The following PPFIA1 variants were observed in gnomAD, a reference collection of about 807,000 sequenced individuals.
PPFIA1 encodes the protein PPFI scaffold protein A1.
A neutral mutation model predicts 149.9 loss-of-function variants in PPFIA1; 25 were observed. The ratio of observed to expected loss-of-function variants is 0.17; its 90% CI spans 0.12 to 0.23. The LOEUF (loss-of-function observed/expected upper bound fraction) is 0.23. Ranked by LOEUF, PPFIA1 falls within the 10% of genes least tolerant of loss-of-function variation. PPFIA1 has a pLI of 1.00. For missense variants in PPFIA1, 1,362 were observed against 1,506.5 expected (o/e 0.90, Z 1.59); for synonymous variants, 549 against 552.8 (o/e 0.99, Z 0.10).
chr11:70,316,077 T>C (rs2053609032), intron 2 of PPFIA1, among the ~76,000 whole-genome samples: 1 of 152,054 alleles, frequency 6.6e-6, no homozygotes, highest in Non-Finnish European at 1.5e-5. Context: ...TTTTTTAAAT[T>C]TTTTTTTCTT....
At chr11:70,301,471 A>G (rs2052482711) in intron 2 of PPFIA1, among the ~76,000 whole-genome samples, 1 of 152,174 alleles carries the variant, frequency 6.6e-6, no homozygotes. Context: ...TCTGTATTCT[A>G]ATTTGTAAAA....
chr11:70,283,734 C>T (rs976516180), intron 2 of PPFIA1, among the ~76,000 whole-genome samples: 2 of 122,590 alleles, frequency 1.6e-5, no homozygotes, highest in Non-Finnish European at 3.2e-5. Context: ...GGATGACAGC[C>T]GAGTGGCAGA....
At chr11:70,288,042 C>T (rs1336752249) in intron 2 of PPFIA1, among the ~76,000 whole-genome samples, 1 of 151,222 alleles carries the variant, frequency 6.6e-6, no homozygotes, top group Non-Finnish European at 1.5e-5. Flanking sequence ...CTCACTTGCT[C>T]TCCAGCCATG....
At position 70,308,448 on chromosome 11, in the gene PPFIA1, A is replaced by G. The variant is rs145487599; in HGVS notation, c.265-15954A>G. ...GATTTTTTGGCACATGCATAGGTCT[A>G]TTAAATATTTGAAATTGAAAAATAT... is the stretch of plus-strand genomic sequence containing the variant. On this transcript the variant is annotated intron_variant, in intron 2 of 27. Coordinates refer to ENST00000253925, the MANE Select transcript of PPFIA1 (RefSeq NM_003626.5). Among the ~76,000 whole-genome samples the G allele has an allele frequency of 3.1e-3, 474 of 152,368 alleles. 1 individual carries two copies. The highest frequency in any genetic ancestry group is 5.4e-3 in the Admixed American group (83 of 15,308).
chr11:70,287,947 G>T (rs2051258674), intron 2 of PPFIA1, among the ~76,000 whole-genome samples: 1 of 151,870 alleles, frequency 6.6e-6, no homozygotes, highest in African/African-American at 2.4e-5. Context: ...CTAACAACTT[G>T]TATGGTTAGA....
At chr11:70,277,356 C>T (rs2050472883) in intron 2 of PPFIA1, among the ~76,000 whole-genome samples, 1 of 151,654 alleles carries the variant, frequency 6.6e-6, no homozygotes, top group Admixed American at 6.6e-5. Flanking sequence ...TTTAGATATA[C>T]TTTTGCAGTA....
At chr11:70,327,049 T>G (rs559973849) in intron 7 of PPFIA1, 3 of 483,674 alleles carry the variant, frequency 6.2e-6, no homozygotes, top group African/African-American at 3.9e-5. Flanking sequence ...AGAGAACTAG[T>G]CCCACTGACT....
At chr11:70,341,643 A>G (rs2055338347) in intron 14 of PPFIA1, among the ~76,000 whole-genome samples, 1 of 152,164 alleles carries the variant, frequency 6.6e-6, no homozygotes, top group Non-Finnish European at 1.5e-5. Context: ...TTTTGCGCAT[A>G]TGGATGGTAT....
rs145056083 is a variant in PPFIA1 at position 70,297,269 on chromosome 11, C to T, written c.264+24833C>T. On this transcript the variant is annotated intron_variant, in intron 2 of 27. Coordinates refer to ENST00000253925, the MANE Select transcript of PPFIA1 (RefSeq NM_003626.5). ...ACAAAAAATCAAAAAGTTATTTGGG[C>T]GTGGTGGTGCGTGCTTGTAGTCCCA... Among the ~76,000 whole-genome samples, 295 of 152,056 alleles carry T rather than the reference C, an allele frequency of 1.9e-3. 2 individuals carry two copies. The highest frequency in any genetic ancestry group is 6.7e-3 in the African/African-American group (277 of 41,494).
intron 16 of PPFIA1, among the ~76,000 whole-genome samples, chr11:70,353,390 T>C (rs1047946831): frequency 6.6e-6 from 1 of 152,200 alleles, no homozygotes; most frequent in Non-Finnish European, 1.5e-5. Context: ...TAAAATTTAT[T>C]TTTAATAAAA....
chr11:70,365,252 GAA>G, intron 21 of PPFIA1: 1 of 367,616 alleles, frequency 2.7e-6, no homozygotes, highest in Non-Finnish European at 5.5e-6. Flanking sequence ...TGAAAAGTGA[GAA>G]GAGCGAACTT....
intron 21 of PPFIA1, among the ~76,000 whole-genome samples, chr11:70,363,664 C>T (rs762962265): frequency 1.1e-4 from 17 of 152,046 alleles, no homozygotes; most frequent in Non-Finnish European, 1.5e-4. Context: ...CAGGTGTGCA[C>T]CACCACACCC....
chr11:70,346,152 C>A, intron 15 of PPFIA1: 1 of 324,816 alleles, frequency 3.1e-6, no homozygotes, highest in South Asian at 2.2e-5. Flanking sequence ...GACCGGTAAA[C>A]CCTGCCCACG....
rs1471218554 is a variant in PPFIA1, at chr11:70,362,095, G to A, written c.2583G>A (p.Lys861=). The A allele has an allele frequency of 6.2e-7, 1 of 1,613,468 alleles. No homozygotes were observed. Among genetic ancestry groups the A allele is most frequent in the African/African-American group, 1.3e-5 (1 of 74,856 alleles). Residue 861 remains lysine, a splice_region_variant and synonymous_variant, in exon 20 of 28, where the codon AAG becomes AAA. Transcript: ENST00000253925. ...QAEKNRKLQK[K]HELLEEARRQ... ...ATTTTCAATATCTTCTCCTTTATAGGCATGAATTGCTGGAGGAAGCCCGGA... is the reference window on the plus strand; with the variant it reads ...ATTTTCAATATCTTCTCCTTTATAGACATGAATTGCTGGAGGAAGCCCGGA...
At chr11:70,316,799 A>G (rs1008469237) in intron 2 of PPFIA1, among the ~76,000 whole-genome samples, 1 of 152,240 alleles carries the variant, frequency 6.6e-6, no homozygotes, top group Non-Finnish European at 1.5e-5. Flanking sequence ...GTCACATCTG[A>G]TCTTAACTTG....
chr11:70,274,550 G>A (rs1013896038), intron 2 of PPFIA1, among the ~76,000 whole-genome samples: 9 of 152,106 alleles, frequency 5.9e-5, no homozygotes, highest in East Asian at 1.9e-4. Flanking sequence ...TCATTCTGTC[G>A]TCAGCATCAT....
chr11:70,277,819 C>T (rs944356443), intron 2 of PPFIA1, among the ~76,000 whole-genome samples: 1 of 151,878 alleles, frequency 6.6e-6, no homozygotes, highest in Non-Finnish European at 1.5e-5. Context: ...GAACTTTCTA[C>T]GGTATTTCTT....
intron 21 of PPFIA1, chr11:70,365,808 A>G (rs2056896485): frequency 2.6e-6 from 1 of 388,674 alleles, no homozygotes; most frequent in Non-Finnish European, 5.1e-6. Flanking sequence ...TGAGTTTTGC[A>G]TGATGCTTTG....
chr11:70,365,460 C>A (rs1451534114), intron 21 of PPFIA1: 5 of 456,594 alleles, frequency 1.1e-5, no homozygotes, highest in African/African-American at 2.0e-5. Context: ...ACAGCCTGCA[C>A]TCCTCCCAGC....
Sources: gnomAD v4.1 joint callset for allele counts (sites outside exome capture counted in the v4.1 genomes callset) on GRCh38, gnomAD v4.1.1 for gene constraint, MANE v1.5 for transcripts, NCBI Gene and HGNC (gene_info 2026-07-23, HGNC 2026-07-21) for gene names.